Variants in WDR64 observed in about 807,000 individuals in gnomAD.
The protein encoded by WDR64 is WD repeat-containing protein 64.
A neutral mutation model predicts 139.3 loss-of-function variants in WDR64; 112 were observed. The observed-to-expected ratio is 0.80, with a 90% CI of 0.69 to 0.94. WDR64 has a LOEUF of 0.94. WDR64 is among the 40% of genes least tolerant of loss of function. The pLI is 0.00. For synonymous variants in WDR64, 444 were observed against 437.7 expected, an observed-to-expected ratio of 1.01 and a Z score of -0.18; for missense variants, 1,206 against 1,293.1, an observed-to-expected ratio of 0.93 and a Z score of 1.03.
At chr1:241,722,472 A>T (rs1353224046) in intron 9 of WDR64, among the ~76,000 whole-genome samples, 1 of 152,198 alleles carries the variant, frequency 6.6e-6, no homozygotes, top group Non-Finnish European at 1.5e-5. Flanking sequence ...ACAGAAGTAC[A>T]ATAACCATTC....
intron 11 of WDR64, 47 bp downstream of exon 11, chr1:241,738,536 T>A: frequency 6.4e-7 from 1 of 1,562,220 alleles, no homozygotes; most frequent in Non-Finnish European, 8.7e-7. Flanking sequence ...TCTTGATTTT[T>A]AACCTTTTTT....
chr1:241,687,592 AT>A lies in WDR64; in HGVS notation c.974del (p.Leu325CysfsTer23), dbSNP rs1667058428. 2 of 1,611,752 alleles carry A rather than the reference AT, an allele frequency of 1.2e-6. No homozygotes were observed. The highest frequency in any genetic ancestry group is 8.5e-7 in the Non-Finnish European group (1 of 1,178,666). On this transcript the variant is annotated frameshift_variant and splice_region_variant, in exon 8 of 28. Coordinates refer to ENST00000437684, the MANE Select transcript of WDR64 (RefSeq NM_001367482.1). LOFTEE classifies it high-confidence loss of function. ...VLESLKRLED[N>X]LPVREFSMPR... ...GAATCCTTGAAGAGACTCGAGGATAATTTGTAAGTATAGTAATTTATATACA... is the reference window on the plus strand; with the variant it reads ...GAATCCTTGAAGAGACTCGAGGATAATTGTAAGTATAGTAATTTATATACA...
intron 6 of WDR64, among the ~76,000 whole-genome samples, chr1:241,679,967 C>T (rs1481581267): frequency 6.6e-6 from 1 of 152,140 alleles, no homozygotes; most frequent in Non-Finnish European, 1.5e-5. Context: ...AATCAAATGT[C>T]TAAGTCCGGC....
intron 17 of WDR64, 89 bp downstream of exon 17, chr1:241,769,594 C>A: frequency 3.5e-6 from 4 of 1,144,728 alleles, no homozygotes; most frequent in Non-Finnish European, 5.0e-6. Context: ...GTGGTTTTTG[C>A]CATTGAAAGT....
chr1:241,756,889 A>G (rs1392105581), intron 14 of WDR64, among the ~76,000 whole-genome samples: 1 of 152,230 alleles, frequency 6.6e-6, no homozygotes, highest in Non-Finnish European at 1.5e-5. Flanking sequence ...AGTTAAAAAT[A>G]AATGAACTGG....
intron 10 of WDR64, among the ~76,000 whole-genome samples, chr1:241,731,963 A>G (rs1324310617): frequency 6.6e-6 from 1 of 152,140 alleles, no homozygotes; most frequent in East Asian, 1.9e-4. Flanking sequence ...CTGATTTTCA[A>G]ATGTACCATT....
At chr1:241,787,542 G>A (rs1659082975) in intron 23 of WDR64, among the ~76,000 whole-genome samples, 1 of 151,514 alleles carries the variant, frequency 6.6e-6, no homozygotes, top group African/African-American at 2.4e-5. Context: ...GTGGGCTTCT[G>A]TAATCTCAGC....
chr1:241,772,746 A>C (rs2148303863), intron 19 of WDR64, 46 bp from the exon 20 acceptor site: 3 of 1,541,192 alleles, frequency 1.9e-6, no homozygotes, highest in Non-Finnish European at 2.6e-6. Context: ...TACAGGTGTG[A>C]GCCACCACGC....
intron 8 of WDR64, among the ~76,000 whole-genome samples, 176 bp downstream of exon 8, chr1:241,687,771 C>G (rs1047675317): frequency 1.5e-4 from 23 of 152,166 alleles, no homozygotes; most frequent in African/African-American, 5.6e-4. Flanking sequence ...GCCACTTATG[C>G]AAATTTGAAC....
In WDR64 at chr1:241,766,462, G is replaced by C. The variant is rs186449185; in HGVS notation, c.2081+111G>C. 39 of 1,234,754 alleles carry C rather than the reference G, an allele frequency of 3.2e-5. No individual in the cohort carries two copies. In the Admixed American group the frequency reaches 5.8e-4, roughly 18 times the overall value. 76.5% of individuals were successfully genotyped at this position (1,234,754 alleles called of 1,614,324 possible). ...GCGGTGGCTCAGGTCTGTAAACCCA[G>C]AACTTTGGGAGGAGGATCACTTAAG... On this transcript the variant is annotated intron_variant, in intron 16 of 27. Coordinates refer to ENST00000437684, the MANE Select transcript of WDR64 (RefSeq NM_001367482.1).
At chr1:241,773,393 G>A (rs373033471) in intron 20 of WDR64, among the ~76,000 whole-genome samples, 1 of 152,154 alleles carries the variant, frequency 6.6e-6, no homozygotes, top group Non-Finnish European at 1.5e-5. Context: ...AGGTGAATCC[G>A]GCATGAAGAT....
At chr1:241,655,601 C>T (rs1005918219) in intron 1 of WDR64, among the ~76,000 whole-genome samples, 13 of 152,306 alleles carry the variant, frequency 8.5e-5, no homozygotes, top group African/African-American at 3.1e-4. Flanking sequence ...TCCCTTCATG[C>T]ACCTTCTGCC....
At chr1:241,754,205 T>A (rs1237890455) in intron 14 of WDR64, among the ~76,000 whole-genome samples, 5 of 152,134 alleles carry the variant, frequency 3.3e-5, no homozygotes, top group African/African-American at 1.2e-4. Context: ...TATTGTTTTT[T>A]AAATTTTTTT....
intron 8 of WDR64, among the ~76,000 whole-genome samples, chr1:241,689,740 C>T (rs533352064): frequency 1.6e-4 from 24 of 152,052 alleles, no homozygotes; most frequent in African/African-American, 4.8e-4. Context: ...CAAGAACAGA[C>T]GGGCATTGTA....
rs755442326 is a variant in WDR64 at position 241,674,747 on chromosome 1, G to A, written c.483G>A (p.Gln161=). 207 of 1,531,750 alleles carry A rather than the reference G, an allele frequency of 1.4e-4. No individual in the cohort carries two copies. The highest frequency in any genetic ancestry group is 1.7e-4 in the Non-Finnish European group (197 of 1,132,680). The allele number at this position is 1,531,750 out of a possible 1,614,324, so 94.9% of individuals were successfully genotyped here. The stretch of plus-strand genomic sequence containing the variant: ...GATTAATAACAGTTTTTAATAACCA[G>A]GTAATTTCTTTTTCTTTTTTTAACT... ...QKGLITVFNN[Q]MRVQTSTNVT... The change falls in exon 4 of 28, where the codon CAG becomes CAA. Residue 161 remains glutamine (Q), a splice_region_variant and synonymous_variant. Transcript: ENST00000437684.
chr1:241,753,633 G>A (rs1004449572), intron 14 of WDR64, among the ~76,000 whole-genome samples: 1 of 152,180 alleles, frequency 6.6e-6, no homozygotes, highest in African/African-American at 2.4e-5. Flanking sequence ...GAGCCTGGAA[G>A]GCAGAGATTG....
intron 8 of WDR64, among the ~76,000 whole-genome samples, chr1:241,707,645 G>A (rs1430741539): frequency 6.6e-6 from 1 of 152,112 alleles, no homozygotes; most frequent in Non-Finnish European, 1.5e-5. Flanking sequence ...ATTCATGTAT[G>A]TCTACCCCAA....
intron 14 of WDR64, among the ~76,000 whole-genome samples, chr1:241,754,995 A>C (rs1670128964): frequency 6.6e-6 from 1 of 152,144 alleles, no homozygotes; most frequent in Admixed American, 6.5e-5. Flanking sequence ...GTTGGTTCCA[A>C]GTCTTTGCTA....
At chr1:241,679,697 T>G (rs1666699993) in intron 6 of WDR64, 102 bp downstream of exon 6, 1 of 960,536 alleles carries the variant, frequency 1.0e-6, no homozygotes, top group South Asian at 1.6e-5. Flanking sequence ...TTTCTTCATC[T>G]ATAAAATGAG....
Sources: allele counts gnomAD v4.1 joint callset (sites outside exome capture counted in the v4.1 genomes callset), GRCh38; gene constraint gnomAD v4.1.1; transcripts MANE v1.5; gene names NCBI Gene and HGNC (gene_info 2026-07-23, HGNC 2026-07-21).